SLC25A32: variants seen among roughly 807,000 people sequenced by gnomAD.
The protein encoded by SLC25A32 is Glycine auxotroph B, complementation of hamster.
Under a neutral mutation model 39.0 loss-of-function variants are expected in SLC25A32, and 32 were observed. That is an observed-to-expected ratio of 0.82 (90% CI 0.62 to 1.10). The LOEUF (loss-of-function observed/expected upper bound fraction) is 1.10. SLC25A32 is among the 50% of genes least tolerant of loss of function. SLC25A32 has a pLI of 0.00. For missense variants in SLC25A32, 367 were observed against 395.3 expected, an observed-to-expected ratio of 0.93 and a Z score of 0.61; for synonymous variants, 166 against 152.4, an observed-to-expected ratio of 1.09 and a Z score of -0.66.
At chr8:103,401,384 G>C (rs1351795940) in intron 6 of SLC25A32, 132 bp downstream of exon 6, 1 of 722,210 alleles carries the variant, frequency 1.4e-6, no homozygotes, top group Non-Finnish European at 2.2e-6. Context: ...TAATAACTGG[G>C]AAAGCAGGGA....
Position 103,401,985 on chromosome 8 carries a change from A to G in SLC25A32, c.622T>C (p.Leu208=). Residue 208 remains leucine, a synonymous_variant, in exon 5 of 7, where the codon TTG becomes CTG. Transcript: ENST00000297578. ...LQFMAYELLK[L]KYNQHINRLP... Reference sequence around the variant, plus strand: ...CTATTGATATGCTGGTTGTACTTCAACTTCAGCAATTCATATGCCATAAAC... The same window carrying G: ...CTATTGATATGCTGGTTGTACTTCAGCTTCAGCAATTCATATGCCATAAAC... 5.0e-6 allele frequency: 8 copies of G among 1,613,420 alleles called. No homozygotes were observed. The highest frequency in any genetic ancestry group is 6.8e-6 in the Non-Finnish European group (8 of 1,179,602).
rs138193796 is a variant in SLC25A32 at position 103,404,810 on chromosome 8, C to T, written c.357G>A (p.Glu119=). Residue 119 remains glutamate (E), a synonymous_variant, in exon 3 of 7, where the codon GAG becomes GAA. Transcript: ENST00000297578. The part of the protein sequence containing the change: ...YKTEGRAERL[E]ATEYLVSAAE... ...CAGCTGAGACAAGGTATTCTGTTGC[C>T]TCTAAACGTTCAGCTCTTCCTTCTG... 1.9e-4 allele frequency: 313 copies of T among 1,613,484 alleles called. No individual in the cohort carries two copies. The African/African-American group carries it at 3.7e-3, about 19-fold the overall frequency.
At chr8:103,410,692 T>C (rs1401882544) in intron 1 of SLC25A32, among the ~76,000 whole-genome samples, 1 of 152,110 alleles carries the variant, frequency 6.6e-6, no homozygotes, top group Non-Finnish European at 1.5e-5. Context: ...AATTAGTATG[T>C]AGATCTAAGT....
At chr8:103,404,655 C>T (rs1816289110) in intron 3 of SLC25A32, 121 bp downstream of exon 3, 2 of 557,238 alleles carry the variant, frequency 3.6e-6, no homozygotes, top group South Asian at 5.5e-5. Context: ...TTCCATGTAA[C>T]TGATTTAATA....
intron 3 of SLC25A32, among the ~76,000 whole-genome samples, chr8:103,403,537 G>A (rs1400975662): frequency 6.6e-6 from 1 of 152,068 alleles, no homozygotes; most frequent in Non-Finnish European, 1.5e-5. Context: ...AGTTCCTCAT[G>A]CAGTTAGCTA....
At chr8:103,404,127 T>C (rs1316985270) in intron 3 of SLC25A32, among the ~76,000 whole-genome samples, 1 of 152,174 alleles carries the variant, frequency 6.6e-6, no homozygotes, top group African/African-American at 2.4e-5. Context: ...AGTGAGGCGA[T>C]TAAACAAGGC....
chr8:103,401,977 G>A lies in SLC25A32; in HGVS notation c.630C>T (p.Tyr210=). 1.2e-6 allele frequency: 2 copies of A among 1,613,130 alleles called. No homozygotes were observed. Among genetic ancestry groups the A allele is most frequent in the South Asian group, 1.1e-5 (1 of 90,940 alleles). The change falls in exon 5 of 7, where the codon TAC becomes TAT. Residue 210 remains tyrosine, a synonymous_variant. Coordinates refer to ENST00000297578, the MANE Select transcript of SLC25A32 (RefSeq NM_030780.5). ...FMAYELLKLK[Y]NQHINRLPEA... is the part of the protein sequence containing the mutation. The stretch of plus-strand genomic sequence containing the variant: ...CTGGTAATCTATTGATATGCTGGTT[G>A]TACTTCAACTTCAGCAATTCATATG...
chr8:103,400,212 A>T lies in SLC25A32; in HGVS notation c.*199T>A. 1.7e-6 allele frequency: 1 copy of T among 571,918 alleles called. No homozygotes were observed. 35.4% of individuals were successfully genotyped at this position (571,918 alleles called of 1,614,324 possible). ...GATGGCAGCCATTTCAGGCAGAGGT[A>T]GCCAAGTTCCATATATATGGGGAAG... On this transcript the variant is annotated 3_prime_UTR_variant, in exon 7 of 7. Coordinates refer to ENST00000297578, the MANE Select transcript of SLC25A32 (RefSeq NM_030780.5).
At chr8:103,401,493 T>G in intron 6 of SLC25A32, 23 bp downstream of exon 6, 1 of 1,603,472 alleles carries the variant, frequency 6.2e-7, no homozygotes, top group Non-Finnish European at 8.5e-7. Context: ...CAAAGCAATT[T>G]TTGATATAGC....
chr8:103,408,963 G>C (rs1008286848), intron 1 of SLC25A32, among the ~76,000 whole-genome samples: 8 of 152,048 alleles, frequency 5.3e-5, no homozygotes, highest in Admixed American at 3.3e-4. Flanking sequence ...TGCTAATTTT[G>C]TAAAAAATAT....
intron 1 of SLC25A32, among the ~76,000 whole-genome samples, chr8:103,408,310 C>T (rs972827946): frequency 7.2e-5 from 11 of 152,010 alleles, no homozygotes; most frequent in Admixed American, 4.6e-4. Flanking sequence ...TTTAAAACTA[C>T]TACATTCATG....
chr8:103,410,515 C>T (rs2130453104), intron 1 of SLC25A32, among the ~76,000 whole-genome samples: 1 of 152,246 alleles, frequency 6.6e-6, no homozygotes, highest in East Asian at 1.9e-4. Flanking sequence ...GAATTTATTG[C>T]CTGATGATCT....
intron 1 of SLC25A32, among the ~76,000 whole-genome samples, chr8:103,410,139 C>T (rs1445620619): frequency 1.3e-5 from 2 of 152,118 alleles, no homozygotes; most frequent in Non-Finnish European, 2.9e-5. Flanking sequence ...AAAGCAAAAC[C>T]AACCATAAAA....
At chr8:103,401,031 C>T (rs913016418) in intron 6 of SLC25A32, among the ~76,000 whole-genome samples, 2 of 152,176 alleles carry the variant, frequency 1.3e-5, no homozygotes, top group Non-Finnish European at 2.9e-5. Context: ...CCTAAATGTT[C>T]TCCTCTGTTC....
intron 4 of SLC25A32, chr8:103,402,279 T>C (rs961726427): frequency 5.2e-6 from 2 of 386,288 alleles, no homozygotes; most frequent in Non-Finnish European, 9.3e-6. Flanking sequence ...ACATATTAGT[T>C]TTTCTTTAAA....
intron 1 of SLC25A32, among the ~76,000 whole-genome samples, chr8:103,409,575 C>T (rs1300042171): frequency 6.6e-6 from 1 of 152,114 alleles, no homozygotes; most frequent in African/African-American, 2.4e-5. Flanking sequence ...ACTTAAGTTA[C>T]AAATACGTAT....
chr8:103,407,136 T>C lies in SLC25A32; in HGVS notation c.305+498A>G, dbSNP rs151249741. ...AATTAGAAATGCTCACAAGTATGTA[T>C]TGATATGGCCAAAACACCTAATAAA... On this transcript the variant is annotated intron_variant, in intron 2 of 6. Coordinates refer to ENST00000297578, the MANE Select transcript of SLC25A32 (RefSeq NM_030780.5). 4.7e-3 allele frequency among the ~76,000 whole-genome samples: 719 copies of C among 152,328 alleles called. 12 individuals are homozygous for C. The highest frequency in any genetic ancestry group is 0.015 in the African/African-American group (611 of 41,580).
intron 5 of SLC25A32, 48 bp from the exon 6 acceptor site, chr8:103,401,709 A>T: frequency 4.8e-6 from 7 of 1,471,568 alleles, no homozygotes; most frequent in Non-Finnish European, 5.5e-6. Flanking sequence ...GGATTTCTTT[A>T]AAAATACAGA....
intron 1 of SLC25A32, among the ~76,000 whole-genome samples, chr8:103,411,409 TCC>T (rs1180035140): frequency 6.6e-6 from 1 of 152,012 alleles, no homozygotes; most frequent in Non-Finnish European, 1.5e-5. Flanking sequence ...AACCAGCCCC[TCC>T]CTGGCCCCCG....
Sources: gnomAD v4.1 joint callset for allele counts (sites outside exome capture counted in the v4.1 genomes callset) on GRCh38, gnomAD v4.1.1 for gene constraint, MANE v1.5 for transcripts, NCBI Gene and HGNC (gene_info 2026-07-23, HGNC 2026-07-21) for gene names.